Variants in TULP4 observed in about 807,000 individuals in gnomAD.
TULP4 encodes the protein TUB like protein 4.
Under a neutral mutation model 129.0 loss-of-function variants are expected in TULP4, and 16 were observed. That is an observed-to-expected ratio of 0.12 (90% confidence interval 0.08 to 0.19). TULP4 has a LOEUF of 0.19. Among genes scored for constraint, TULP4 ranks in the 10% least tolerant of loss-of-function variants. The pLI is 1.00. For missense variants in TULP4, 1,842 were observed against 2,059.1 expected, an observed-to-expected ratio of 0.89 and a Z score of 2.04; for synonymous variants, 998 against 854.0, an observed-to-expected ratio of 1.17 and a Z score of -2.94.
intron 1 of TULP4, among the ~76,000 whole-genome samples, chr6:158,299,718 G>A (rs145001048): frequency 5.3e-4 from 81 of 152,248 alleles, no homozygotes; most frequent in African/African-American, 1.7e-3. Context: ...ACACGATATC[G>A]TTAGCATAGA....
chr6:158,458,590 A>T (rs972256345), intron 5 of TULP4, among the ~76,000 whole-genome samples: 2 of 152,202 alleles, frequency 1.3e-5, no homozygotes, highest in Non-Finnish European at 2.9e-5. Context: ...CAAAATTATT[A>T]CTCAAGTCTT....
intron 1 of TULP4, among the ~76,000 whole-genome samples, chr6:158,252,993 T>G (rs1432063654): frequency 1.3e-5 from 2 of 152,258 alleles, no homozygotes; most frequent in African/African-American, 4.8e-5. Context: ...TAGACGCATC[T>G]GCTCCATGAA....
At chr6:158,294,698 C>T (rs1295279961) in intron 1 of TULP4, among the ~76,000 whole-genome samples, 2 of 152,030 alleles carry the variant, frequency 1.3e-5, no homozygotes, top group African/African-American at 2.4e-5. Flanking sequence ...CTCCTTTCTT[C>T]CTCTTCCTTC....
intron 12 of TULP4, among the ~76,000 whole-genome samples, chr6:158,501,435 A>G (rs1196825212): frequency 6.6e-6 from 1 of 152,196 alleles, no homozygotes; most frequent in East Asian, 1.9e-4. Context: ...AGAAGGTTCA[A>G]AAGTGAGTTA....
At chr6:158,365,076 C>T (rs184654608) in intron 1 of TULP4, among the ~76,000 whole-genome samples, 21 of 151,826 alleles carry the variant, frequency 1.4e-4, no homozygotes, top group East Asian at 5.8e-4. Flanking sequence ...GCACTCATTG[C>T]GAGCTTTCAG....
chr6:158,377,481 A>C (rs1777218211), intron 1 of TULP4, among the ~76,000 whole-genome samples: 1 of 152,266 alleles, frequency 6.6e-6, no homozygotes, highest in Non-Finnish European at 1.5e-5. Flanking sequence ...CATTTTGTGT[A>C]ATGCAATGCA....
chr6:158,414,106 G>A (rs1778154836), intron 2 of TULP4, among the ~76,000 whole-genome samples: 1 of 152,166 alleles, frequency 6.6e-6, no homozygotes, highest in African/African-American at 2.4e-5. Context: ...TATTGTCAGC[G>A]GCTATTAGCA....
chr6:158,267,314 T>G (rs1430022309), intron 1 of TULP4, among the ~76,000 whole-genome samples: 1 of 152,220 alleles, frequency 6.6e-6, no homozygotes, highest in Admixed American at 6.5e-5. Flanking sequence ...ATCAAGTAGA[T>G]AAATCATACT....
In TULP4 at chr6:158,448,979, C is replaced by G. The variant is rs766565851; in HGVS notation, c.544-17C>G. On this transcript the variant is annotated splice_polypyrimidine_tract_variant and intron_variant, in intron 3 of 13. Coordinates refer to ENST00000367097, the MANE Select transcript of TULP4 (RefSeq NM_020245.5). ...CCTTGCTGCCACTTGGTCAGAGGTC[C>G]CCATCCTGGATTGCAGGTGCTGTTT... 7.5e-6 allele frequency: 12 copies of G among 1,592,604 alleles called. No individual in the cohort carries two copies. The highest frequency in any genetic ancestry group is 1.0e-5 in the Non-Finnish European group (12 of 1,165,526).
At chr6:158,291,030 A>ATTT (rs1778929621) in intron 1 of TULP4, among the ~76,000 whole-genome samples, 1 of 152,250 alleles carries the variant, frequency 6.6e-6, no homozygotes, top group South Asian at 2.1e-4. Flanking sequence ...TATAGTACCT[A>ATTT]TAAAGCATTA....
chr6:158,427,128 C>T (rs369370437), intron 2 of TULP4, among the ~76,000 whole-genome samples: 3 of 152,076 alleles, frequency 2.0e-5, no homozygotes, highest in Admixed American at 1.3e-4. Flanking sequence ...TATATTCATA[C>T]AACGGAATAA....
At chr6:158,243,008 C>T (rs1284729062) in intron 1 of TULP4, among the ~76,000 whole-genome samples, 4 of 152,196 alleles carry the variant, frequency 2.6e-5, no homozygotes, top group Middle Eastern at 3.4e-3. Flanking sequence ...AGGCTGGTCT[C>T]GAACTCCTGA....
intron 1 of TULP4, among the ~76,000 whole-genome samples, chr6:158,299,312 C>T (rs1302704413): frequency 1.3e-5 from 2 of 152,068 alleles, no homozygotes; most frequent in Non-Finnish European, 2.9e-5. Context: ...CCTTTGGTGC[C>T]CAGTCTATTA....
chr6:158,454,010 G>A, intron 5 of TULP4, among the ~76,000 whole-genome samples: 1 of 99,508 alleles, frequency 1.0e-5, no homozygotes, highest in African/African-American at 5.2e-5. Flanking sequence ...AATCATACCT[G>A]CCTCTGCACC....
chr6:158,394,645 G>A (rs1777662479), intron 1 of TULP4, among the ~76,000 whole-genome samples: 1 of 151,832 alleles, frequency 6.6e-6, no homozygotes, highest in African/African-American at 2.4e-5. Flanking sequence ...AAATTAGCCG[G>A]ACGTGGTGGC....
intron 1 of TULP4, among the ~76,000 whole-genome samples, chr6:158,251,985 C>T (rs779059687): frequency 6.6e-6 from 1 of 152,216 alleles, no homozygotes; most frequent in Non-Finnish European, 1.5e-5. Context: ...GCAGAACTCT[C>T]AGGCTGCAGA....
chr6:158,395,289 T>C (rs952582374), intron 1 of TULP4, among the ~76,000 whole-genome samples: 1 of 152,014 alleles, frequency 6.6e-6, no homozygotes, highest in African/African-American at 2.4e-5. Flanking sequence ...AGTAGAAGTA[T>C]GGAAGACCTG....
chr6:158,292,909 A>C (rs923176988), intron 1 of TULP4, among the ~76,000 whole-genome samples: 2 of 152,136 alleles, frequency 1.3e-5, no homozygotes, highest in Admixed American at 6.5e-5. Context: ...GACACAGGCT[A>C]TTATTTCTTT....
chr6:158,374,291 G>GAAAAA (rs11335189), intron 1 of TULP4, among the ~76,000 whole-genome samples: 2 of 124,682 alleles, frequency 1.6e-5, no homozygotes, highest in South Asian at 2.7e-4. Context: ...TGTCTTTAAA[G>GAAAAA]AAAAAAAAAA....
Sources: gnomAD v4.1 joint callset for allele counts (sites outside exome capture counted in the v4.1 genomes callset) on GRCh38, gnomAD v4.1.1 for gene constraint, MANE v1.5 for transcripts, NCBI Gene and HGNC (gene_info 2026-07-23, HGNC 2026-07-21) for gene names.